SLC9A8: variants seen among roughly 807,000 people sequenced by gnomAD.
The protein encoded by SLC9A8 is sodium/hydrogen exchanger 8.
In SLC9A8, 48 loss-of-function variants were observed where a neutral mutation model predicts 66.6. The ratio of observed to expected loss-of-function variants is 0.72; its 90% confidence interval spans 0.57 to 0.92. The LOEUF (loss-of-function observed/expected upper bound fraction) is 0.92, where lower values mean the gene tolerates loss of function less well. Ranked by LOEUF, SLC9A8 falls within the 40% of genes least tolerant of loss-of-function variation. SLC9A8 has a pLI of 0.00. For missense variants in SLC9A8, 599 were observed against 747.3 expected (o/e 0.80, Z 2.31); for synonymous variants, 274 against 282.6 (o/e 0.97, Z 0.31).
Position 49,890,361 on chromosome 20 carries a change from G to A in SLC9A8, c.*2425G>A, listed in dbSNP as rs778107759. 16 of 152,242 alleles carry A rather than the reference G, an allele frequency of 1.1e-4. No individual in the cohort carries two copies. Among genetic ancestry groups the A allele is most frequent in the Non-Finnish European group, 2.1e-4 (14 of 68,046 alleles). 9.4% of individuals were successfully genotyped at this position (152,242 alleles called of 1,614,324 possible). A position where few individuals can be genotyped will look rare whatever the true frequency, so the allele number is the denominator to read the frequency against. On this transcript the variant is annotated 3_prime_UTR_variant, in exon 16 of 16. Coordinates refer to ENST00000361573, the MANE Select transcript of SLC9A8 (RefSeq NM_015266.3). The stretch of plus-strand genomic sequence containing the variant: ...AATAATTCTATTTGGGGCAGTGAAT[G>A]CATAGAAGATATAAAAATACGCAGC...
rs745515301 is a variant in SLC9A8 at position 49,887,913 on chromosome 20, G to T, written c.1723G>T (p.Asp575Tyr). Residue 575 changes from aspartate (D) to tyrosine (Y), a missense_variant, in exon 16 of 16, where the codon GAC (aspartate) becomes TAC (tyrosine). Asp to Tyr is a radical substitution (Grantham distance 160). Transcript: ENST00000361573. ...ACGCCAGGGCCCCTCCGGCTCCGAG[G>T]ACGACGAGCAGGAGCTGCTCTGACG... ...EVRQGPSGSE[D>Y]DEQELL 1.2e-6 allele frequency: 2 copies of T among 1,613,802 alleles called. No homozygotes were observed. The highest frequency in any genetic ancestry group is 1.7e-5 in the Admixed American group (1 of 60,008).
At chr20:49,834,090 A>C (rs900990925) in intron 3 of SLC9A8, among the ~76,000 whole-genome samples, 1 of 148,904 alleles carries the variant, frequency 6.7e-6, no homozygotes. Flanking sequence ...CTCTGCTAAA[A>C]ATACAAAAAT....
chr20:49,873,908 G>GGACT (rs931193647), intron 10 of SLC9A8, among the ~76,000 whole-genome samples: 1 of 151,866 alleles, frequency 6.6e-6, no homozygotes, highest in African/African-American at 2.4e-5. Flanking sequence ...ATCAGCTGTA[G>GGACT]GACTCCCCAC....
At chr20:49,859,670 C>T (rs1347992235) in intron 8 of SLC9A8, among the ~76,000 whole-genome samples, 1 of 152,090 alleles carries the variant, frequency 6.6e-6, no homozygotes, top group African/African-American at 2.4e-5. Flanking sequence ...GATGTTGTTA[C>T]CTTCATGAAT....
rs370760616 is a variant in SLC9A8 at position 49,884,199 on chromosome 20, GACACACACACACACAC to G, written c.1491+160_1491+175del. The G allele has an allele frequency of 2.5e-3, 712 of 288,626 alleles. 11 individuals carry two copies. Among genetic ancestry groups the G allele is most frequent in the Non-Finnish European group, 3.0e-3 (476 of 160,026 alleles). The allele number at this position is 288,626 out of a possible 1,614,324, so 17.9% of individuals were successfully genotyped here. On this transcript the variant is annotated intron_variant, in intron 14 of 15. Transcript: ENST00000361573. ...GGATGCCCAGCACCTCCACACACAC[GACACACACACACACAC>G]ACACACACACACACACACACACACA...
At position 49,880,913 on chromosome 20, in the gene SLC9A8, G is replaced by C. The variant is rs202016859; in HGVS notation, c.1159-11G>C. 164 of 1,577,530 alleles carry C rather than the reference G, an allele frequency of 1.0e-4. No homozygotes were observed. In the African/African-American group the frequency reaches 2.1e-3, roughly 20 times the overall value. On this transcript the variant is annotated splice_polypyrimidine_tract_variant and intron_variant, in intron 12 of 15. Coordinates refer to ENST00000361573, the MANE Select transcript of SLC9A8 (RefSeq NM_015266.3). ...GTTTTCACCTAAGACTTAGTTTGTT[G>C]CTATCAACAGGTGCTTGTACTATTT...
intron 13 of SLC9A8, among the ~76,000 whole-genome samples, chr20:49,883,315 T>C (rs954756056): frequency 3.3e-5 from 5 of 151,760 alleles, no homozygotes; most frequent in Non-Finnish European, 7.4e-5. Flanking sequence ...CATCTCGAGA[T>C]AGGAGGGGTA....
rs551266736 is a variant in SLC9A8, at chr20:49,891,404, T to G, written c.*3468T>G. On this transcript the variant is annotated 3_prime_UTR_variant, in exon 16 of 16. Transcript: ENST00000361573. ...CACGCCCTCCATCTCACAGTCAAGA[T>G]AAAGGCCTCGAGAATAAAGAGCCAG... 3.9e-5 allele frequency: 6 copies of G among 152,318 alleles called. No individual in the cohort carries two copies. The highest frequency in any genetic ancestry group is 6.5e-5 in the Admixed American group (1 of 15,296). 9.4% of individuals were successfully genotyped at this position (152,318 alleles called of 1,614,324 possible).
At chr20:49,818,405 C>T (rs2086628711) in intron 2 of SLC9A8, among the ~76,000 whole-genome samples, 1 of 147,270 alleles carries the variant, frequency 6.8e-6, no homozygotes, top group African/African-American at 2.5e-5. Flanking sequence ...ATGATGCTTT[C>T]TTTTTAAGTA....
At chr20:49,833,403 G>A (rs2182963) in intron 3 of SLC9A8, among the ~76,000 whole-genome samples, 30,339 of 152,092 alleles carry the variant, frequency 0.2, 3,035 homozygotes, top group Middle Eastern at 0.22. Flanking sequence ...AAAACAAAAC[G>A]TGATTTTGCA....
intron 5 of SLC9A8, among the ~76,000 whole-genome samples, chr20:49,846,974 T>C (rs2088023007): frequency 1.3e-5 from 2 of 152,158 alleles, no homozygotes; most frequent in African/African-American, 4.8e-5. Context: ...TGGTATAAAA[T>C]AAATAAATAC....
chr20:49,842,493 G>T (rs545005924), intron 4 of SLC9A8, among the ~76,000 whole-genome samples: 2 of 152,324 alleles, frequency 1.3e-5, no homozygotes, highest in South Asian at 4.1e-4. Context: ...TCTGCTCTCT[G>T]TCAAGGGAGA....
At chr20:49,882,568 C>A (rs1332195699) in intron 13 of SLC9A8, among the ~76,000 whole-genome samples, 1 of 152,240 alleles carries the variant, frequency 6.6e-6, no homozygotes, top group South Asian at 2.1e-4. Context: ...CTGGCCTTCA[C>A]TTCCACCTAG....
chr20:49,820,596 G>A (rs752831941), intron 2 of SLC9A8, among the ~76,000 whole-genome samples: 1 of 152,044 alleles, frequency 6.6e-6, no homozygotes, highest in Non-Finnish European at 1.5e-5. Context: ...TCCCAGGCTA[G>A]AGTGCAGTGG....
chr20:49,873,468 C>T (rs1347288832), intron 10 of SLC9A8, among the ~76,000 whole-genome samples: 13 of 125,472 alleles, frequency 1.0e-4, no homozygotes, highest in East Asian at 2.4e-4. Flanking sequence ...GGCGACAACG[C>T]GAAACCCTGT....
rs1315537955 is a variant in SLC9A8, at chr20:49,890,266, G to A, written c.*2330G>A. 6.6e-6 allele frequency: 1 copy of A among 152,182 alleles called. No individual in the cohort carries two copies. The highest frequency in any genetic ancestry group is 1.5e-5 in the Non-Finnish European group (1 of 68,042). 9.4% of individuals were successfully genotyped at this position (152,182 alleles called of 1,614,324 possible). On this transcript the variant is annotated 3_prime_UTR_variant, in exon 16 of 16. Coordinates refer to ENST00000361573, the MANE Select transcript of SLC9A8 (RefSeq NM_015266.3). ...ACCTTGGTAACAAAAGGCCATAGAAGTCTGTTTTTCTGGGTCAGTTTTTTT... is the reference window on the plus strand; with the variant it reads ...ACCTTGGTAACAAAAGGCCATAGAAATCTGTTTTTCTGGGTCAGTTTTTTT...
At chr20:49,867,904 C>T (rs1212509900) in intron 10 of SLC9A8, among the ~76,000 whole-genome samples, 2 of 152,220 alleles carry the variant, frequency 1.3e-5, no homozygotes, top group African/African-American at 4.8e-5. Context: ...TATCCGGAGT[C>T]ACACTTGGGT....
At chr20:49,860,065 C>T (rs1180598060) in intron 8 of SLC9A8, among the ~76,000 whole-genome samples, 1 of 152,102 alleles carries the variant, frequency 6.6e-6, no homozygotes, top group African/African-American at 2.4e-5. Context: ...AGCCTGGGTA[C>T]CTGCTGTGGT....
At chr20:49,874,681 C>T in intron 10 of SLC9A8, 24 bp from the exon 11 acceptor site, 1 of 1,421,856 alleles carries the variant, frequency 7.0e-7, no homozygotes, top group East Asian at 2.3e-5. Flanking sequence ...GCAGTGCTTT[C>T]TGTTCTGTTC....
Sources: allele counts gnomAD v4.1 joint callset (sites outside exome capture counted in the v4.1 genomes callset), GRCh38; gene constraint gnomAD v4.1.1; transcripts MANE v1.5; gene names NCBI Gene and HGNC (gene_info 2026-07-23, HGNC 2026-07-21).